Variants in KCNH8 observed in about 807,000 individuals in gnomAD.
KCNH8 encodes potassium voltage-gated channel subfamily H member 8.
In KCNH8, 70 loss-of-function variants were observed where a neutral mutation model predicts 103.6. That is an observed-to-expected ratio of 0.68 (90% CI 0.56 to 0.82). The LOEUF is 0.82. Among genes scored for constraint, KCNH8 ranks in the 40% least tolerant of loss-of-function variants. The pLI is 0.00. For synonymous variants in KCNH8, 498 were observed against 489.4 expected (o/e 1.02, Z -0.23); for missense variants, 1,217 against 1,329.9 (o/e 0.92, Z 1.32).
intron 3 of KCNH8, among the ~76,000 whole-genome samples, chr3:19,306,847 A>G (rs1451774633): frequency 6.6e-6 from 1 of 152,084 alleles, no homozygotes; most frequent in Non-Finnish European, 1.5e-5. Context: ...TTAATTATCA[A>G]CAAAAGATCC....
chr3:19,314,990 T>C (rs1183582337), intron 3 of KCNH8: 1 of 153,286 alleles, frequency 6.5e-6, no homozygotes, highest in Non-Finnish European at 1.5e-5. Context: ...ATATCTGGTG[T>C]AATACTTTAA....
intron 2 of KCNH8, among the ~76,000 whole-genome samples, chr3:19,276,860 A>G (rs1420322929): frequency 6.6e-6 from 1 of 152,154 alleles, no homozygotes; most frequent in Non-Finnish European, 1.5e-5. Context: ...TACCATGTAT[A>G]TATCCCAAAG....
At chr3:19,321,912 G>A (rs1012395212) in intron 3 of KCNH8, among the ~76,000 whole-genome samples, 3 of 151,946 alleles carry the variant, frequency 2.0e-5, no homozygotes, top group African/African-American at 7.2e-5. Flanking sequence ...TATTGGATCG[G>A]TCCTTTTATC....
intron 15 of KCNH8, among the ~76,000 whole-genome samples, chr3:19,527,700 A>T (rs2069089414): frequency 1.3e-5 from 2 of 152,246 alleles, no homozygotes; most frequent in South Asian, 4.1e-4. Flanking sequence ...TCTTAGGGGT[A>T]TGGAAGGATC....
At chr3:19,234,484 G>T (rs1575456596) in intron 1 of KCNH8, among the ~76,000 whole-genome samples, 1 of 152,256 alleles carries the variant, frequency 6.6e-6, no homozygotes, top group African/African-American at 2.4e-5. Flanking sequence ...GCTGGCTCAG[G>T]TGCTAAGCCC....
Position 19,148,614 on chromosome 3 carries a change from C to A in KCNH8, c.-106C>A. ...TCGGCCCCGCCGTCAGGCCGGGTCC[C>A]CCTTCCCTGCCGTCATCAGGTTCCC... On this transcript the variant is annotated 5_prime_UTR_variant, in exon 1 of 16. Transcript: ENST00000328405. The A allele has an allele frequency of 9.1e-7, 1 of 1,098,478 alleles. No individual in the cohort carries two copies. The highest frequency in any genetic ancestry group is 1.2e-5 in the South Asian group (1 of 80,302). The allele number at this position is 1,098,478 out of a possible 1,614,324, so 68.0% of individuals were successfully genotyped here.
chr3:19,399,504 AATGTGATTTTGAATCAGGC>A (rs1184199839), intron 7 of KCNH8, among the ~76,000 whole-genome samples: 4 of 151,966 alleles, frequency 2.6e-5, no homozygotes, highest in Non-Finnish European at 5.9e-5. Flanking sequence ...CTGCTTCAGG[AATGTGATTTTGAATCAGGC>A]ATGTGATTTT....
At chr3:19,321,706 A>AG (rs2065352553) in intron 3 of KCNH8, among the ~76,000 whole-genome samples, 1 of 150,546 alleles carries the variant, frequency 6.6e-6, no homozygotes, top group African/African-American at 2.5e-5. Context: ...TTTGTTCTAG[A>AG]GTATAGTTTA....
intron 11 of KCNH8, among the ~76,000 whole-genome samples, chr3:19,502,136 A>T (rs1339092832): frequency 6.8e-6 from 1 of 148,126 alleles, no homozygotes; most frequent in Non-Finnish European, 1.5e-5. Flanking sequence ...CAACAGACAA[A>T]CAGAGAGCCA....
rs187189536 is a variant in KCNH8 at position 19,349,387 on chromosome 3, A to T, written c.811+1422A>T. Among the ~76,000 whole-genome samples, 301 of 152,140 alleles carry T rather than the reference A, an allele frequency of 2.0e-3. 2 individuals are homozygous for T. The highest frequency in any genetic ancestry group is 7.0e-3 in the African/African-American group (291 of 41,544). ...CCCACCCATGATGCACACATAAATT[A>T]GCATCATAAAAACACTCCCCATGCC... is the stretch of plus-strand genomic sequence containing the variant. On this transcript the variant is annotated intron_variant, in intron 5 of 15. Coordinates refer to ENST00000328405, the MANE Select transcript of KCNH8 (RefSeq NM_144633.3).
At chr3:19,273,748 C>T (rs2064623147) in intron 2 of KCNH8, among the ~76,000 whole-genome samples, 1 of 152,162 alleles carries the variant, frequency 6.6e-6, no homozygotes, top group Non-Finnish European at 1.5e-5. Flanking sequence ...TAAGTACATT[C>T]TCTTTGTCTC....
At chr3:19,499,273 A>T (rs1469196430) in intron 11 of KCNH8, among the ~76,000 whole-genome samples, 1 of 152,200 alleles carries the variant, frequency 6.6e-6, no homozygotes, top group African/African-American at 2.4e-5. Context: ...AAAGCCTCCA[A>T]GAAATATGGG....
In KCNH8 at chr3:19,281,319, TA is replaced by T. The variant is rs1559457175; in HGVS notation, c.438del (p.Glu147LysfsTer40). 1 of 1,600,070 alleles carries T rather than the reference TA, an allele frequency of 6.2e-7. No homozygotes were observed. The highest frequency in any genetic ancestry group is 2.2e-5 in the East Asian group (1 of 44,614). On this transcript the variant is annotated frameshift_variant, in exon 3 of 16. Transcript: ENST00000328405. LOFTEE classifies it high-confidence loss of function. ...CAAAAGTGAAGATTACTCCAGAAGA[TA>T]AAAAAGAAGGTTTGTACCGTTTTCA... Reference protein sequence around the residue: ...DTKVKITPEDKKEDKVKGRSR... With the variant: ...DTKVKITPEDXKEDKVKGRSR...
intron 1 of KCNH8, among the ~76,000 whole-genome samples, chr3:19,172,268 T>C (rs1315430698): frequency 6.6e-6 from 1 of 152,204 alleles, no homozygotes; most frequent in East Asian, 1.9e-4. Context: ...GCACTCATTA[T>C]GGCATTACTT....
chr3:19,519,267 G>A (rs113826548), intron 15 of KCNH8, among the ~76,000 whole-genome samples: 4 of 152,014 alleles, frequency 2.6e-5, no homozygotes, highest in African/African-American at 9.6e-5. Flanking sequence ...CCTTTTCTAG[G>A]AGTAAAGTCT....
At chr3:19,160,477 G>A (rs2063223278) in intron 1 of KCNH8, among the ~76,000 whole-genome samples, 1 of 151,908 alleles carries the variant, frequency 6.6e-6, no homozygotes, top group Non-Finnish European at 1.5e-5. Flanking sequence ...CAGCCCCAAA[G>A]GTCAGTACCC....
intron 1 of KCNH8, among the ~76,000 whole-genome samples, chr3:19,181,586 A>G (rs1575418646): frequency 6.6e-6 from 1 of 152,214 alleles, no homozygotes; most frequent in South Asian, 2.1e-4. Flanking sequence ...TTAAGCCAAT[A>G]TAATAACTAT....
At chr3:19,261,417 C>T (rs1249215992) in intron 2 of KCNH8, among the ~76,000 whole-genome samples, 1 of 151,652 alleles carries the variant, frequency 6.6e-6, no homozygotes, top group Non-Finnish European at 1.5e-5. Context: ...GTATTCAAGT[C>T]CTTTGCTTAT....
At chr3:19,231,936 T>TA (rs2063999213) in intron 1 of KCNH8, among the ~76,000 whole-genome samples, 1 of 152,170 alleles carries the variant, frequency 6.6e-6, no homozygotes, top group Admixed American at 6.5e-5. Flanking sequence ...AATCAATACA[T>TA]CAAATTAATT....
Sources: gnomAD v4.1 joint callset for allele counts (sites outside exome capture counted in the v4.1 genomes callset) on GRCh38, gnomAD v4.1.1 for gene constraint, MANE v1.5 for transcripts, NCBI Gene and HGNC (gene_info 2026-07-23, HGNC 2026-07-21) for gene names.